Variants in PLCB4 observed in about 807,000 individuals in gnomAD.
PLCB4 encodes the protein 1-phosphatidylinositol 4,5-bisphosphate phosphodiesterase beta-4.
PLCB4 carries 77 observed loss-of-function variants against 178.8 expected under a neutral mutation model. That is an observed-to-expected ratio of 0.43 (90% CI 0.36 to 0.52). The LOEUF (loss-of-function observed/expected upper bound fraction) is 0.52. Among genes scored for constraint, PLCB4 ranks in the 20% least tolerant of loss-of-function variants. The pLI is 0.00. For missense variants in PLCB4, 1,024 were observed against 1,453.4 expected (o/e 0.70, Z 4.80); for synonymous variants, 496 against 490.8 (o/e 1.01, Z -0.14).
In PLCB4 at chr20:9,176,387, C is replaced by T. The variant is rs144176211; in HGVS notation, c.-78-41003C>T. Reference sequence around the variant, plus strand: ...TGGAATGGCTGGGTGAGGTGGTAGACGCATGATCAGATGTGTAAGAAACTG... The same window carrying T: ...TGGAATGGCTGGGTGAGGTGGTAGATGCATGATCAGATGTGTAAGAAACTG... On this transcript the variant is annotated intron_variant, in intron 2 of 39. Transcript: ENST00000378473. Among the ~76,000 whole-genome samples, 117 of 152,128 alleles carry T rather than the reference C, an allele frequency of 7.7e-4. 5 individuals carry two copies. In the East Asian group the frequency reaches 0.019, roughly 25 times the overall value.
chr20:9,307,469 G>T (rs1534929), intron 3 of PLCB4, among the ~76,000 whole-genome samples: 1 of 146,700 alleles, frequency 6.8e-6, no homozygotes, highest in South Asian at 2.2e-4. Flanking sequence ...ATTTTATCTG[G>T]TGCCTTCAGA....
intron 7 of PLCB4, among the ~76,000 whole-genome samples, chr20:9,354,590 G>A (rs1356802720): frequency 6.6e-6 from 1 of 152,182 alleles, no homozygotes. Context: ...TGCTCAACCC[G>A]CTGATCAAGG....
intron 3 of PLCB4, among the ~76,000 whole-genome samples, chr20:9,256,473 G>A (rs767471049): frequency 1.2e-4 from 19 of 152,140 alleles, no homozygotes; most frequent in Non-Finnish European, 2.4e-4. Context: ...TCCTCTTGTC[G>A]GCTAAACAAG....
intron 2 of PLCB4, among the ~76,000 whole-genome samples, chr20:9,127,216 C>A (rs1319398949): frequency 6.6e-6 from 1 of 152,048 alleles, no homozygotes; most frequent in Non-Finnish European, 1.5e-5. Flanking sequence ...TGTTAAAATG[C>A]AGCTTCCCAG....
At chr20:9,129,965 C>A (rs1359365350) in intron 2 of PLCB4, among the ~76,000 whole-genome samples, 1 of 151,966 alleles carries the variant, frequency 6.6e-6, no homozygotes, top group Non-Finnish European at 1.5e-5. Flanking sequence ...GCCTCTGGGG[C>A]TTCTCTTGGT....
chr20:9,203,310 G>A (rs1272821696), intron 2 of PLCB4, among the ~76,000 whole-genome samples: 3 of 151,838 alleles, frequency 2.0e-5, no homozygotes, highest in Non-Finnish European at 2.9e-5. Context: ...TCTGTTTTAG[G>A]TATATCACCC....
Position 9,405,308 on chromosome 20 carries a change from AT to A in PLCB4, c.1612-3del, listed in dbSNP as rs1300664751. ...GTAAACAAATTATTTCCTTTCTCTAATTAGGCTTCAGATGACCTTGAACATG... is the reference window on the plus strand; with the variant it reads ...GTAAACAAATTATTTCCTTTCTCTAATAGGCTTCAGATGACCTTGAACATG... On this transcript the variant is annotated splice_polypyrimidine_tract_variant and splice_region_variant and intron_variant, in intron 20 of 39. Transcript: ENST00000378473. The A allele has an allele frequency of 3.3e-6, 5 of 1,528,620 alleles. No individual in the cohort carries two copies. In the African/African-American group the frequency reaches 6.8e-5, roughly 21 times the overall value. 94.7% of individuals were successfully genotyped at this position (1,528,620 alleles called of 1,614,324 possible). A position where few individuals can be genotyped will look rare whatever the true frequency, so the allele number is the denominator to read the frequency against.
At chr20:9,467,214 G>T (rs1161536253) in intron 35 of PLCB4, among the ~76,000 whole-genome samples, 1 of 152,188 alleles carries the variant, frequency 6.6e-6, no homozygotes, top group Non-Finnish European at 1.5e-5. Flanking sequence ...TTACTCATAG[G>T]TGGGAATTGA....
chr20:9,417,020 A>T (rs796531681), intron 25 of PLCB4, among the ~76,000 whole-genome samples: 5 of 152,314 alleles, frequency 3.3e-5, no homozygotes, highest in African/African-American at 1.2e-4. Flanking sequence ...AATAAAGTTG[A>T]CATCATCTAG....
At chr20:9,301,638 G>A (rs1327822002) in intron 3 of PLCB4, among the ~76,000 whole-genome samples, 1 of 152,134 alleles carries the variant, frequency 6.6e-6, no homozygotes, top group Non-Finnish European at 1.5e-5. Context: ...TATGGGTAAT[G>A]CACATGTCCT....
At chr20:9,294,608 C>T (rs1044978976) in intron 3 of PLCB4, among the ~76,000 whole-genome samples, 7 of 152,102 alleles carry the variant, frequency 4.6e-5, no homozygotes, top group African/African-American at 1.7e-4. Context: ...GTAAATTGGG[C>T]TGGGCTGGAT....
chr20:9,309,247 C>T (rs1423271415), intron 4 of PLCB4, among the ~76,000 whole-genome samples: 1 of 152,150 alleles, frequency 6.6e-6, no homozygotes, highest in Non-Finnish European at 1.5e-5. Flanking sequence ...AAACCACTTA[C>T]AGTTTCCCCC....
intron 2 of PLCB4, among the ~76,000 whole-genome samples, chr20:9,154,807 T>C (rs369661125): frequency 6.2e-5 from 9 of 144,360 alleles, no homozygotes; most frequent in African/African-American, 1.0e-4. Context: ...CTTTCCTTTC[T>C]TTTCCTTTCC....
intron 2 of PLCB4, among the ~76,000 whole-genome samples, chr20:9,187,344 C>T (rs2093343174): frequency 6.6e-6 from 1 of 152,158 alleles, no homozygotes; most frequent in Non-Finnish European, 1.5e-5. Context: ...ACACCAGCAC[C>T]ACTTCCTGCT....
At chr20:9,463,872 G>A (rs2043579575) in intron 35 of PLCB4, among the ~76,000 whole-genome samples, 1 of 152,084 alleles carries the variant, frequency 6.6e-6, no homozygotes, top group East Asian at 1.9e-4. Flanking sequence ...ACAGATCAAT[G>A]AGACAGAAGG....
intron 21 of PLCB4, among the ~76,000 whole-genome samples, chr20:9,407,137 C>A (rs1367543519): frequency 6.6e-6 from 1 of 152,120 alleles, no homozygotes; most frequent in Non-Finnish European, 1.5e-5. Context: ...AAAGAGGCAG[C>A]ATCATTAGCA....
At chr20:9,185,735 G>A (rs1338997111) in intron 2 of PLCB4, among the ~76,000 whole-genome samples, 1 of 152,106 alleles carries the variant, frequency 6.6e-6, no homozygotes, top group Non-Finnish European at 1.5e-5. Flanking sequence ...CTCATCTCTA[G>A]CTCACTGGGC....
chr20:9,118,556 G>A (rs114385421), intron 2 of PLCB4, among the ~76,000 whole-genome samples: 4,119 of 151,810 alleles, frequency 0.027, 185 homozygotes, highest in African/African-American at 0.093. Flanking sequence ...TCAAGATCTG[G>A]TGTGTAATTT....
At chr20:9,342,907 C>A (rs1204398270) in intron 7 of PLCB4, among the ~76,000 whole-genome samples, 1 of 152,126 alleles carries the variant, frequency 6.6e-6, no homozygotes, top group Non-Finnish European at 1.5e-5. Context: ...CAACAATGCC[C>A]TTTCTTTCCA....
Sources: allele counts gnomAD v4.1 joint callset (sites outside exome capture counted in the v4.1 genomes callset), GRCh38; gene constraint gnomAD v4.1.1; transcripts MANE v1.5; gene names NCBI Gene and HGNC (gene_info 2026-07-23, HGNC 2026-07-21).